ASAH2: variants seen among roughly 807,000 people sequenced by gnomAD.
The protein encoded by ASAH2 is N-acylsphingosine amidohydrolase 2.
Under a neutral mutation model 82.9 loss-of-function variants are expected in ASAH2, and 58 were observed. The ratio of observed to expected loss-of-function variants is 0.70; its 90% CI spans 0.57 to 0.87. The LOEUF (loss-of-function observed/expected upper bound fraction) is 0.87, where lower values mean the gene tolerates loss of function less well. Among genes scored for constraint, ASAH2 ranks in the 40% least tolerant of loss-of-function variants. The probability of loss-of-function intolerance (pLI) is 0.00; values close to 1 mark genes in which losing one functional copy is unlikely to be tolerated. For missense variants in ASAH2, 779 were observed against 834.0 expected, an observed-to-expected ratio of 0.93 and a Z score of 0.81; for synonymous variants, 276 against 289.7, an observed-to-expected ratio of 0.95 and a Z score of 0.48.
intron 7 of ASAH2, among the ~76,000 whole-genome samples, chr10:50,231,043 G>GA (rs1367246294): frequency 5.9e-3 from 569 of 96,176 alleles, no homozygotes; most frequent in African/African-American, 8.2e-3. Context: ...CTTGTCTCAG[G>GA]AAAAAAAAAA....
chr10:50,201,522 T>C (rs916260020), intron 16 of ASAH2, among the ~76,000 whole-genome samples: 2 of 152,054 alleles, frequency 1.3e-5, no homozygotes, highest in Non-Finnish European at 2.9e-5. Flanking sequence ...TTTGAGCATA[T>C]ACAGCAGCCA....
chr10:50,231,041 A>AG (rs1363814977), intron 7 of ASAH2, among the ~76,000 whole-genome samples: 4 of 149,686 alleles, frequency 2.7e-5, no homozygotes, highest in African/African-American at 9.9e-5. Context: ...AGCTTGTCTC[A>AG]GGAAAAAAAA....
At chr10:50,218,774 C>G in intron 7 of ASAH2, 144 bp from the exon 8 acceptor site, 1 of 927,320 alleles carries the variant, frequency 1.1e-6, no homozygotes, top group Admixed American at 2.4e-5. Context: ...TTTCATTGTT[C>G]ATGGGCTTAA....
At chr10:50,226,452 C>G (rs1845886789) in intron 7 of ASAH2, among the ~76,000 whole-genome samples, 2 of 151,892 alleles carry the variant, frequency 1.3e-5, no homozygotes, top group African/African-American at 4.8e-5. Flanking sequence ...TTTTTTCTTA[C>G]TGTGGAAATT....
At chr10:50,238,521 A>G (rs1212775833) in intron 4 of ASAH2, among the ~76,000 whole-genome samples, 1 of 151,978 alleles carries the variant, frequency 6.6e-6, no homozygotes, top group Admixed American at 6.6e-5. Context: ...ACTCTCGCAT[A>G]TTATTCCATA....
intron 4 of ASAH2, among the ~76,000 whole-genome samples, chr10:50,236,583 A>G (rs1355153745): frequency 7.2e-5 from 11 of 152,168 alleles, no homozygotes; most frequent in Non-Finnish European, 4.4e-5. Flanking sequence ...GTTTGAGGAT[A>G]TTATCATAGT....
At position 50,243,279 on chromosome 10, in the gene ASAH2, C is replaced by A; in HGVS notation, c.433G>T (p.Ala145Ser). Residue 145 changes from alanine to serine, a missense_variant, in exon 4 of 21, where the codon GCA (alanine) becomes TCA (serine). This residue lies in a region of ASAH2 where 759 missense variants were observed against 755.2 expected (regional missense o/e 1.00). Coordinates refer to ENST00000682911, the MANE Select transcript of ASAH2 (RefSeq NM_019893.4). ...GTTCGATTGGACCCATCAGGTTCTG[C>A]CATGATGAAGGCACGACTGTATAGC... ...TRLYSRAFIM[A>S]EPDGSNRTVF... is the part of the protein sequence containing the mutation. 1 of 1,614,098 alleles carries A rather than the reference C, an allele frequency of 6.2e-7. No homozygotes were observed. The highest frequency in any genetic ancestry group is 1.1e-5 in the South Asian group (1 of 91,076).
At chr10:50,201,254 T>G (rs1845141207) in intron 16 of ASAH2, among the ~76,000 whole-genome samples, 1 of 152,036 alleles carries the variant, frequency 6.6e-6, no homozygotes, top group Non-Finnish European at 1.5e-5. Context: ...ATTTGCAACC[T>G]GATTCTTCCT....
intron 7 of ASAH2, among the ~76,000 whole-genome samples, chr10:50,222,549 C>T (rs1251489010): frequency 6.6e-6 from 1 of 152,084 alleles, no homozygotes; most frequent in Non-Finnish European, 1.5e-5. Context: ...TAAAGTACTG[C>T]TTTTACAGGC....
At chr10:50,207,934 C>T (rs1043914406) in intron 12 of ASAH2, among the ~76,000 whole-genome samples, 115 of 151,912 alleles carry the variant, frequency 7.6e-4, no homozygotes, top group African/African-American at 2.6e-3. Flanking sequence ...AAACTGAATA[C>T]AGCAACACAG....
At chr10:50,213,563 T>C (rs1022406102) in intron 9 of ASAH2, among the ~76,000 whole-genome samples, 58 of 152,214 alleles carry the variant, frequency 3.8e-4, no homozygotes, top group African/African-American at 1.3e-3. Flanking sequence ...CACTTAAATA[T>C]TATAAGTGGA....
intron 12 of ASAH2, among the ~76,000 whole-genome samples, chr10:50,208,771 G>A (rs1267363416): frequency 1.3e-5 from 2 of 151,990 alleles, no homozygotes; most frequent in African/African-American, 2.4e-5. Flanking sequence ...TATTCCCATC[G>A]GAATCCCAGC....
At chr10:50,218,905 T>C (rs1845677052) in intron 7 of ASAH2, among the ~76,000 whole-genome samples, 2 of 152,218 alleles carry the variant, frequency 1.3e-5, no homozygotes, top group Admixed American at 1.3e-4. Flanking sequence ...AGTTACCAGA[T>C]GACATACCTA....
At chr10:50,245,543 A>T in intron 2 of ASAH2, 89 bp from the exon 3 acceptor site, 3 of 1,177,720 alleles carry the variant, frequency 2.5e-6, no homozygotes, top group East Asian at 2.6e-5. Flanking sequence ...GCTCAGGTTC[A>T]TAAGGAAAAC....
intron 12 of ASAH2, among the ~76,000 whole-genome samples, chr10:50,207,124 A>G (rs1388669422): frequency 6.6e-6 from 1 of 151,918 alleles, no homozygotes; most frequent in Non-Finnish European, 1.5e-5. Context: ...ATACTTTATC[A>G]TGAATGAAAA....
chr10:50,217,619 A>G (rs1414232318), intron 8 of ASAH2, among the ~76,000 whole-genome samples: 2 of 152,176 alleles, frequency 1.3e-5, no homozygotes, highest in African/African-American at 4.8e-5. Context: ...CACCAGATGG[A>G]GTTGTTCAGT....
In ASAH2 at chr10:50,236,050, C is replaced by T. The variant is rs1846152270; in HGVS notation, c.525G>A (p.Leu175=). Residue 175 remains leucine, a synonymous_variant, in exon 5 of 21, where the codon CTG becomes CTA. Coordinates refer to ENST00000682911, the MANE Select transcript of ASAH2 (RefSeq NM_019893.4). ...TGTACAGGGAGCCATATTTACTCTG[C>T]AGTCTGTTCAGGACCTTCAAGAAAA... The part of the protein sequence containing the change: ...QRLRLEVLNR[L]QSKYGSLYRR... 36 of 1,613,030 alleles carry T rather than the reference C, an allele frequency of 2.2e-5. No homozygotes were observed. Among genetic ancestry groups the T allele is most frequent in the South Asian group, 1.1e-5 (1 of 91,070 alleles).
intron 7 of ASAH2, among the ~76,000 whole-genome samples, chr10:50,219,067 G>T (rs1481028127): frequency 6.6e-6 from 1 of 152,188 alleles, no homozygotes; most frequent in African/African-American, 2.4e-5. Context: ...CAAAGACACA[G>T]ATGTGAACAA....
intron 7 of ASAH2, among the ~76,000 whole-genome samples, chr10:50,228,530 A>G (rs1401384523): frequency 6.6e-6 from 1 of 152,232 alleles, no homozygotes; most frequent in Non-Finnish European, 1.5e-5. Flanking sequence ...AGATTTATAT[A>G]TATACTGCAA....
Sources: allele counts gnomAD v4.1 joint callset (sites outside exome capture counted in the v4.1 genomes callset), GRCh38; gene constraint gnomAD v4.1.1; regional missense constraint gnomAD v4.1.1; transcripts MANE v1.5; gene names NCBI Gene and HGNC (gene_info 2026-07-23, HGNC 2026-07-21).